Variants in DSCAML1 observed in about 807,000 individuals in gnomAD.
The protein encoded by DSCAML1 is cell adhesion molecule DSCAML1.
In DSCAML1, 38 loss-of-function variants were observed where a neutral mutation model predicts 200.5. The observed-to-expected ratio is 0.19, with a 90% CI of 0.15 to 0.25. The LOEUF (loss-of-function observed/expected upper bound fraction) is 0.25. Ranked by LOEUF, DSCAML1 falls within the 10% of genes least tolerant of loss-of-function variation. The probability of loss-of-function intolerance (pLI) is 1.00; values close to 1 mark genes in which losing one functional copy is unlikely to be tolerated. For synonymous variants in DSCAML1, 1,215 were observed against 1,165.0 expected, an observed-to-expected ratio of 1.04 and a Z score of -0.87; for missense variants, 2,223 against 2,858.8, an observed-to-expected ratio of 0.78 and a Z score of 5.07.
intron 1 of DSCAML1, among the ~76,000 whole-genome samples, chr11:117,807,063 C>A (rs1031104027): frequency 6.6e-6 from 1 of 152,206 alleles, no homozygotes; most frequent in Non-Finnish European, 1.5e-5. Flanking sequence ...GTTCCTTGGC[C>A]GGGGCACCCG....
chr11:117,616,091 AAAG>A (rs1349734460), intron 3 of DSCAML1, among the ~76,000 whole-genome samples: 3 of 152,204 alleles, frequency 2.0e-5, no homozygotes, highest in Non-Finnish European at 4.4e-5. Context: ...ACAGAGTCAC[AAAG>A]AAGGAGATCT....
chr11:117,528,873 A>C (rs1020993966), intron 4 of DSCAML1, among the ~76,000 whole-genome samples: 1 of 152,152 alleles, frequency 6.6e-6, no homozygotes, highest in Non-Finnish European at 1.5e-5. Flanking sequence ...GGCACAGACT[A>C]TTCTTGCAAC....
chr11:117,623,857 G>A (rs2051989603), intron 3 of DSCAML1, among the ~76,000 whole-genome samples: 1 of 152,154 alleles, frequency 6.6e-6, no homozygotes, highest in African/African-American at 2.4e-5. Flanking sequence ...CTGACACTGA[G>A]ACCAGTTAGG....
At chr11:117,455,078 C>G (rs549738032) in intron 19 of DSCAML1, among the ~76,000 whole-genome samples, 12 of 152,310 alleles carry the variant, frequency 7.9e-5, no homozygotes, top group African/African-American at 2.9e-4. Flanking sequence ...TCCCCTGGAT[C>G]CCGGCCTAAT....
intron 3 of DSCAML1, among the ~76,000 whole-genome samples, chr11:117,601,551 C>T (rs563075436): frequency 2.6e-5 from 4 of 152,320 alleles, no homozygotes; most frequent in Admixed American, 6.5e-5. Flanking sequence ...TTCCACTATC[C>T]GTGTTTTATT....
intron 27 of DSCAML1, 120 bp downstream of exon 27, chr11:117,435,524 C>A: frequency 8.1e-7 from 1 of 1,236,146 alleles, no homozygotes; most frequent in Non-Finnish European, 1.1e-6. Flanking sequence ...GCTGCTCCTC[C>A]TTCAAGGGGA....
chr11:117,576,404 T>C (rs2050933664), intron 3 of DSCAML1, among the ~76,000 whole-genome samples: 1 of 152,190 alleles, frequency 6.6e-6, no homozygotes, highest in South Asian at 2.1e-4. Flanking sequence ...CCCCATTCCA[T>C]GGAGCACAAG....
intron 3 of DSCAML1, among the ~76,000 whole-genome samples, chr11:117,554,112 A>G (rs12273502): frequency 0.027 from 4,052 of 152,320 alleles, 180 homozygotes; most frequent in African/African-American, 0.09. Context: ...TCCATTTCAT[A>G]GAGACAGAAA....
At chr11:117,556,491 A>T (rs1018141209) in intron 3 of DSCAML1, among the ~76,000 whole-genome samples, 1 of 151,174 alleles carries the variant, frequency 6.6e-6, no homozygotes, top group Non-Finnish European at 1.5e-5. Context: ...GTCAATCTAA[A>T]TCTTGTCCAG....
intron 3 of DSCAML1, among the ~76,000 whole-genome samples, chr11:117,732,665 C>T (rs2054243404): frequency 6.6e-6 from 1 of 152,180 alleles, no homozygotes; most frequent in Non-Finnish European, 1.5e-5. Context: ...GCTGCTGTCA[C>T]TTCTGAAAGG....
intron 3 of DSCAML1, among the ~76,000 whole-genome samples, chr11:117,719,259 AC>A (rs1191423739): frequency 6.6e-6 from 1 of 152,112 alleles, no homozygotes; most frequent in Non-Finnish European, 1.5e-5. Flanking sequence ...GCATGGTGAA[AC>A]CCCATCTCTG....
chr11:117,815,497 C>T (rs144213536), intron 1 of DSCAML1, among the ~76,000 whole-genome samples: 200 of 152,298 alleles, frequency 1.3e-3, no homozygotes, highest in Middle Eastern at 6.8e-3. Context: ...CTTCTCCCCT[C>T]CCTGCTGCCC....
chr11:117,642,436 G>T lies in DSCAML1; in HGVS notation c.512-109914C>A, dbSNP rs1722789398. 6.6e-6 allele frequency among the ~76,000 whole-genome samples: 1 copy of T among 152,174 alleles called. No homozygotes were observed. Among genetic ancestry groups the T allele is most frequent in the Non-Finnish European group, 1.5e-5 (1 of 68,024 alleles). ...AGGTCACAGTCTGGAGGCACAGTCT[G>T]GAAGACAAATAAGGGGAACTGTCAG... On this transcript the variant is annotated intron_variant, in intron 3 of 32. Coordinates refer to ENST00000651296, the MANE Select transcript of DSCAML1 (RefSeq NM_020693.4). The surrounding 1 kb of genome is among the most constrained non-coding windows in gnomAD (Gnocchi z 4.1).
chr11:117,507,293 C>A (rs1439981266), intron 8 of DSCAML1, among the ~76,000 whole-genome samples: 1 of 152,204 alleles, frequency 6.6e-6, no homozygotes. Context: ...ACCAGCCGCA[C>A]CCCTCCCTGG....
At position 117,717,999 on chromosome 11, in the gene DSCAML1, G is replaced by A. The variant is rs531941670; in HGVS notation, c.511+58792C>T. On this transcript the variant is annotated intron_variant, in intron 3 of 32. Transcript: ENST00000651296. ...ATAGCAAACAACACCCAGGTGAGGC[G>A]GTGTGTCAACAAGGCCCAGCTCAAC... 5.9e-4 allele frequency among the ~76,000 whole-genome samples: 90 copies of A among 152,284 alleles called. 1 individual carries two copies. The highest frequency in any genetic ancestry group is 5.4e-3 in the South Asian group (26 of 4,818).
At chr11:117,694,809 T>TATGA (rs1264533583) in intron 3 of DSCAML1, among the ~76,000 whole-genome samples, 1 of 152,220 alleles carries the variant, frequency 6.6e-6, no homozygotes, top group Non-Finnish European at 1.5e-5. Context: ...TTGGTGCAGA[T>TATGA]ATGAATGTAT....
chr11:117,664,962 C>G (rs1176700824), intron 3 of DSCAML1, among the ~76,000 whole-genome samples: 4 of 152,208 alleles, frequency 2.6e-5, no homozygotes, highest in Admixed American at 2.6e-4. Context: ...CTGATCTGGG[C>G]ACCCCCAGAC....
chr11:117,777,005 A>C, intron 2 of DSCAML1, 68 bp from the exon 3 acceptor site: 1 of 1,553,960 alleles, frequency 6.4e-7, no homozygotes, highest in Non-Finnish European at 8.8e-7. Context: ...CCCAGAAAGG[A>C]ACAGGGAGTC....
chr11:117,437,761 C>T lies in DSCAML1; in HGVS notation c.4432+134G>A. The T allele has an allele frequency of 2.0e-6, 2 of 1,017,382 alleles. No homozygotes were observed. The highest frequency in any genetic ancestry group is 2.8e-6 in the Non-Finnish European group (2 of 719,138). The allele number at this position is 1,017,382 out of a possible 1,614,324, so 63.0% of individuals were successfully genotyped here. A position where few individuals can be genotyped will look rare whatever the true frequency, so the allele number is the denominator to read the frequency against. Reference sequence around the variant, plus strand: ...TGGTGACGGGAAGGAGGCTGAGGCTCCTCCCTTCAGTCTCCCTGCATCCCT... The same window carrying T: ...TGGTGACGGGAAGGAGGCTGAGGCTTCTCCCTTCAGTCTCCCTGCATCCCT... On this transcript the variant is annotated intron_variant, in intron 25 of 32. Coordinates refer to ENST00000651296, the MANE Select transcript of DSCAML1 (RefSeq NM_020693.4). This position sits in a 1 kb window ranked among gnomAD's most constrained non-coding sequence, Gnocchi z 5.3.
Sources: gnomAD v4.1 joint callset for allele counts (sites outside exome capture counted in the v4.1 genomes callset) on GRCh38, gnomAD v4.1.1 for gene constraint, Gnocchi (gnomAD v3.1) non-coding constraint, MANE v1.5 for transcripts, NCBI Gene and HGNC (gene_info 2026-07-23, HGNC 2026-07-21) for gene names.